Variants in DSCAML1 observed in about 807,000 individuals in gnomAD.
The protein encoded by DSCAML1 is cell adhesion molecule DSCAML1.
In DSCAML1, 38 loss-of-function variants were observed where a neutral mutation model predicts 200.5. The ratio of observed to expected loss-of-function variants is 0.19; its 90% confidence interval spans 0.15 to 0.25. The LOEUF (loss-of-function observed/expected upper bound fraction) is 0.25. DSCAML1 is among the 10% of genes least tolerant of loss of function. DSCAML1 has a pLI of 1.00. For synonymous variants in DSCAML1, 1,215 were observed against 1,165.0 expected (o/e 1.04, Z -0.87); for missense variants, 2,223 against 2,858.8 (o/e 0.78, Z 5.07).
intron 3 of DSCAML1, among the ~76,000 whole-genome samples, chr11:117,565,426 C>G (rs1002876893): frequency 6.6e-6 from 1 of 152,216 alleles, no homozygotes; most frequent in Non-Finnish European, 1.5e-5. Context: ...TATTTCTTCT[C>G]TCAAACCGTG....
chr11:117,477,328 G>C (rs954301960), intron 14 of DSCAML1, among the ~76,000 whole-genome samples: 1 of 148,270 alleles, frequency 6.7e-6, no homozygotes, highest in African/African-American at 2.5e-5. Context: ...TGATTGGATA[G>C]TGCTTTGTAA....
At chr11:117,731,498 A>G (rs945097205) in intron 3 of DSCAML1, among the ~76,000 whole-genome samples, 4 of 152,150 alleles carry the variant, frequency 2.6e-5, no homozygotes, top group Admixed American at 2.6e-4. Flanking sequence ...CCAGCCATAG[A>G]TCACACTGCC....
intron 3 of DSCAML1, among the ~76,000 whole-genome samples, chr11:117,760,496 CA>C (rs1265026458): frequency 2.0e-5 from 3 of 152,190 alleles, no homozygotes; most frequent in African/African-American, 7.2e-5. Flanking sequence ...CATCCTTCTA[CA>C]ATTTGCTTTT....
At position 117,521,375 on chromosome 11, in the gene DSCAML1, T is replaced by A. The variant is rs1356227490; in HGVS notation, c.968A>T (p.Lys323Met). 1.7e-5 allele frequency: 27 copies of A among 1,613,792 alleles called. No homozygotes were observed. The highest frequency in any genetic ancestry group is 2.2e-5 in the Non-Finnish European group (26 of 1,179,874). Residue 323 changes from lysine to methionine, a missense_variant, in exon 6 of 33, where the codon AAG (lysine) becomes ATG (methionine). Around this residue, in one of 7 missense-constraint regions of DSCAML1, gnomAD observed 579 missense variants for 721.5 expected, o/e 0.80. Coordinates refer to ENST00000651296, the MANE Select transcript of DSCAML1 (RefSeq NM_020693.4). ...CGTGCTGCCAATGCCGGTCTTCAGC[T>A]TCTTTGGTGTCAGGGTCACATGAAG... ...DPLHVTLTPKKLKTGIGSTVI... is the reference protein window; with the variant it reads ...DPLHVTLTPKMLKTGIGSTVI...
chr11:117,524,794 C>T lies in DSCAML1; in HGVS notation c.937+11G>A. Reference sequence around the variant, plus strand: ...GTTACTGGGGCTGCAGAAGGGGCTTCCCCGACTCACCAATGACCATGAGGA... The same window carrying T: ...GTTACTGGGGCTGCAGAAGGGGCTTTCCCGACTCACCAATGACCATGAGGA... On this transcript the variant is annotated intron_variant, in intron 5 of 32. Coordinates refer to ENST00000651296, the MANE Select transcript of DSCAML1 (RefSeq NM_020693.4). 2 of 1,567,212 alleles carry T rather than the reference C, an allele frequency of 1.3e-6. No individual in the cohort carries two copies. The highest frequency in any genetic ancestry group is 1.7e-6 in the Non-Finnish European group (2 of 1,154,914).
chr11:117,798,837 C>T (rs73586810), upstream of DSCAML1, among the ~76,000 whole-genome samples: 721 of 152,236 alleles, frequency 4.7e-3, 3 homozygotes, highest in African/African-American at 0.016. Flanking sequence ...AAGACTAGAA[C>T]CCAGGCCTCC....
At chr11:117,609,318 T>G (rs4938420) in intron 3 of DSCAML1, among the ~76,000 whole-genome samples, 37,720 of 151,192 alleles carry the variant, frequency 0.25, 4,996 homozygotes, top group East Asian at 0.34. Flanking sequence ...TTTCTTTTTT[T>G]TTTTTTTGAG....
chr11:117,505,339 G>T lies in DSCAML1; in HGVS notation c.2062+115C>A, dbSNP rs2049473228. ...GTTTAGGCTCCAACAGGCCCTTCAA[G>T]ATGCTGGAGCCCACCTTCCATGAGC... is the stretch of plus-strand genomic sequence containing the variant. On this transcript the variant is annotated intron_variant, in intron 9 of 32. Transcript: ENST00000651296. The surrounding 1 kb of genome is among the most constrained non-coding windows in gnomAD (Gnocchi z 6.7). 1.4e-6 allele frequency: 2 copies of T among 1,404,800 alleles called. No homozygotes were observed. The highest frequency in any genetic ancestry group is 4.3e-5 in the Admixed American group (2 of 46,504). The allele number at this position is 1,404,800 out of a possible 1,614,324, so 87.0% of individuals were successfully genotyped here.
Position 117,437,063 on chromosome 11 carries a change from C to G in DSCAML1, c.4720+59G>C, listed in dbSNP as rs976248671. The G allele has an allele frequency of 9.0e-6, 14 of 1,556,602 alleles. No homozygotes were observed. The African/African-American group carries it at 1.9e-4, about 21-fold the overall frequency. On this transcript the variant is annotated intron_variant, in intron 26 of 32. Transcript: ENST00000651296. This position sits in a 1 kb window ranked among gnomAD's most constrained non-coding sequence, Gnocchi z 5.3. ...CTTTATGTATCTGCCACTCTGCCCA[C>G]TTCCTTCGCACCACCCTGCTCCAGC... is the stretch of plus-strand genomic sequence containing the variant.
At chr11:117,579,990 C>T (rs1230329773) in intron 3 of DSCAML1, among the ~76,000 whole-genome samples, 1 of 152,126 alleles carries the variant, frequency 6.6e-6, no homozygotes, top group Non-Finnish European at 1.5e-5. Flanking sequence ...CTGTTTCCGT[C>T]ATCAGAGCTT....
At chr11:117,579,606 C>G (rs951654051) in intron 3 of DSCAML1, among the ~76,000 whole-genome samples, 3 of 152,198 alleles carry the variant, frequency 2.0e-5, no homozygotes, top group Non-Finnish European at 4.4e-5. Flanking sequence ...CTTCTGTTTT[C>G]ATTCTCTGCA....
chr11:117,680,348 C>T (rs749568459), intron 3 of DSCAML1, among the ~76,000 whole-genome samples: 1 of 152,198 alleles, frequency 6.6e-6, no homozygotes, highest in African/African-American at 2.4e-5. Context: ...GGTGCAGAGC[C>T]CCTGTAGCCC....
intron 3 of DSCAML1, among the ~76,000 whole-genome samples, chr11:117,535,006 C>T (rs2137350429): frequency 6.6e-6 from 1 of 152,296 alleles, no homozygotes; most frequent in South Asian, 2.1e-4. Flanking sequence ...CCCTCCCTCC[C>T]TCCTTTCTTT....
chr11:117,483,983 G>C (rs2048983673), intron 11 of DSCAML1, among the ~76,000 whole-genome samples: 1 of 151,688 alleles, frequency 6.6e-6, no homozygotes, highest in Non-Finnish European at 1.5e-5. Context: ...GTGCAAAAAG[G>C]GGCTTTGTCT....
intron 3 of DSCAML1, among the ~76,000 whole-genome samples, chr11:117,651,693 C>T (rs2052634639): frequency 9.1e-6 from 1 of 109,728 alleles, no homozygotes; most frequent in African/African-American, 3.6e-5. Context: ...GCCTGGGCGA[C>T]AGAGCAAGAC....
chr11:117,787,228 A>C (rs531123438), intron 1 of DSCAML1, among the ~76,000 whole-genome samples: 5 of 152,280 alleles, frequency 3.3e-5, no homozygotes, highest in South Asian at 4.1e-4. Flanking sequence ...TGTCTACCTC[A>C]AGGGTTGTTA....
chr11:117,563,511 T>C (rs1013923298), intron 3 of DSCAML1, among the ~76,000 whole-genome samples: 1 of 152,116 alleles, frequency 6.6e-6, no homozygotes, highest in Admixed American at 6.5e-5. Flanking sequence ...CTTTCATAGA[T>C]GTAAAGGAAG....
intron 1 of DSCAML1, among the ~76,000 whole-genome samples, chr11:117,803,149 G>A (rs893666234): frequency 6.6e-6 from 1 of 152,020 alleles, no homozygotes; most frequent in African/African-American, 2.4e-5. Flanking sequence ...ATAGGGAATG[G>A]CTTGCAGGAA....
chr11:117,601,966 G>C (rs1045732659), intron 3 of DSCAML1, among the ~76,000 whole-genome samples: 4 of 152,228 alleles, frequency 2.6e-5, no homozygotes, highest in African/African-American at 9.6e-5. Flanking sequence ...ATCCCCAAAT[G>C]GGGGCTGGAA....
Sources: allele counts gnomAD v4.1 joint callset (sites outside exome capture counted in the v4.1 genomes callset), GRCh38; gene constraint gnomAD v4.1.1; regional missense constraint gnomAD v4.1.1; non-coding constraint Gnocchi (gnomAD v3.1); transcripts MANE v1.5; gene names NCBI Gene and HGNC (gene_info 2026-07-23, HGNC 2026-07-21).